EPHA6: variants seen among roughly 807,000 people sequenced by gnomAD.
EPHA6 encodes EPH receptor A6, also known as ephrin type-A receptor 6.
Under a neutral mutation model 112.0 loss-of-function variants are expected in EPHA6, and 50 were observed. The observed-to-expected ratio is 0.45, with a 90% CI of 0.36 to 0.56. The LOEUF (loss-of-function observed/expected upper bound fraction) is 0.56. Among genes scored for constraint, EPHA6 ranks in the 20% least tolerant of loss-of-function variants. The probability of loss-of-function intolerance (pLI) is 0.00; values close to 1 mark genes in which losing one functional copy is unlikely to be tolerated. For missense variants in EPHA6, 1,280 were observed against 1,417.4 expected (o/e 0.90, Z 1.56); for synonymous variants, 529 against 490.7 (o/e 1.08, Z -1.03).
intron 3 of EPHA6, among the ~76,000 whole-genome samples, chr3:97,061,926 G>A (rs578236631): frequency 6.6e-6 from 1 of 152,212 alleles, no homozygotes; most frequent in Non-Finnish European, 1.5e-5. Context: ...TGTAAAGAAA[G>A]AAAACAAAAA....
At chr3:97,397,036 T>C (rs2086732614) in intron 5 of EPHA6, among the ~76,000 whole-genome samples, 1 of 151,748 alleles carries the variant, frequency 6.6e-6, no homozygotes, top group Non-Finnish European at 1.5e-5. Context: ...CAGCTATCTA[T>C]TCAACCATCT....
Position 97,758,425 on chromosome 3 carries a change from T to C in EPHA6, c.*9724T>C, listed in dbSNP as rs1341129003. On this transcript the variant is annotated 3_prime_UTR_variant, in exon 18 of 18. Coordinates refer to ENST00000389672, the MANE Select transcript of EPHA6 (RefSeq NM_001080448.3). ...GTCCAAAATTGTATAATTCCTAAAT[T>C]TTCATATATATACATATACTGACAT... Among the ~76,000 whole-genome samples, 1 of 151,898 alleles carries C rather than the reference T, an allele frequency of 6.6e-6. No individual in the cohort carries two copies. Among genetic ancestry groups the C allele is most frequent in the African/African-American group, 2.4e-5 (1 of 41,388 alleles).
rs545346503 is a variant in EPHA6, at chr3:97,083,601, T to A, written c.1114+95608T>A. Among the ~76,000 whole-genome samples the A allele has an allele frequency of 3.9e-5, 6 of 152,074 alleles. No individual in the cohort carries two copies. In the East Asian group the frequency reaches 1.2e-3, roughly 30 times the overall value. ...TATATTGATAAATGATTCCCAGGTC[T>A]TTTTTTCTACTCCGAATCTTGTTTC... is the stretch of plus-strand genomic sequence containing the variant. On this transcript the variant is annotated intron_variant, in intron 3 of 17. Transcript: ENST00000389672.
At chr3:97,095,528 T>C (rs1024942550) in intron 3 of EPHA6, among the ~76,000 whole-genome samples, 2 of 152,028 alleles carry the variant, frequency 1.3e-5, no homozygotes, top group Non-Finnish European at 2.9e-5. Context: ...TGGCACAGGC[T>C]GATAATGCTT....
chr3:97,611,585 T>C (rs779054845), intron 13 of EPHA6, among the ~76,000 whole-genome samples: 3 of 151,778 alleles, frequency 2.0e-5, no homozygotes, highest in Non-Finnish European at 4.4e-5. Context: ...AAGTGAAATA[T>C]AAAAAATAAA....
intron 14 of EPHA6, among the ~76,000 whole-genome samples, chr3:97,655,169 G>A (rs961707023): frequency 6.7e-6 from 1 of 149,028 alleles, no homozygotes; most frequent in Non-Finnish European, 1.5e-5. Context: ...GTATGTTTTG[G>A]GGTTTTTTGT....
chr3:97,087,588 G>A (rs1379912701), intron 3 of EPHA6, among the ~76,000 whole-genome samples: 21 of 152,128 alleles, frequency 1.4e-4, no homozygotes, highest in African/African-American at 2.4e-5. Flanking sequence ...AATACAAAAG[G>A]TGCACATTAT....
chr3:97,178,965 G>A (rs573162682), intron 3 of EPHA6, among the ~76,000 whole-genome samples: 1 of 151,938 alleles, frequency 6.6e-6, no homozygotes, highest in East Asian at 1.9e-4. Flanking sequence ...TTCTCTTTAA[G>A]GCCAATAACT....
At chr3:97,663,558 C>T (rs1352076483) in intron 14 of EPHA6, among the ~76,000 whole-genome samples, 5 of 143,300 alleles carry the variant, frequency 3.5e-5, no homozygotes, top group African/African-American at 1.3e-4. Flanking sequence ...TTGTTCAATT[C>T]CTGCCTATGA....
rs182610884 is a variant in EPHA6 at position 97,591,201 on chromosome 3, A to G, written c.2387-1411A>G. On this transcript the variant is annotated intron_variant, in intron 11 of 17. Coordinates refer to ENST00000389672, the MANE Select transcript of EPHA6 (RefSeq NM_001080448.3). ...ATCCAGTGCACACTGTATTGGCCTC[A>G]CCTGTTAAAATACACATTGTAACTT... 3.9e-5 allele frequency among the ~76,000 whole-genome samples: 6 copies of G among 152,290 alleles called. No homozygotes were observed. In the South Asian group the frequency reaches 8.3e-4, roughly 21 times the overall value.
chr3:97,651,928 A>C (rs1300310662), intron 14 of EPHA6, among the ~76,000 whole-genome samples: 1 of 152,006 alleles, frequency 6.6e-6, no homozygotes. Context: ...GTGTCACTAA[A>C]GTTTGGTGTA....
intron 2 of EPHA6, among the ~76,000 whole-genome samples, chr3:96,959,739 T>C (rs955247052): frequency 6.6e-6 from 1 of 151,966 alleles, no homozygotes; most frequent in Non-Finnish European, 1.5e-5. Flanking sequence ...TGTTTTGTTT[T>C]TCAGTAATAA....
rs756962369 is a variant in EPHA6 at position 97,757,212 on chromosome 3, T to C, written c.*8511T>C. On this transcript the variant is annotated 3_prime_UTR_variant, in exon 18 of 18. Transcript: ENST00000389672. ...CATTTTAAAAACTGTTAGAAAAGAG[T>C]GAATAAAAAGTATGTCACAGTACTC... 1.3e-5 allele frequency among the ~76,000 whole-genome samples: 2 copies of C among 151,526 alleles called. No individual in the cohort carries two copies. Among genetic ancestry groups the C allele is most frequent in the Non-Finnish European group, 3.0e-5 (2 of 67,678 alleles).
chr3:97,758,899 AGAG>A lies in EPHA6; in HGVS notation c.*10202_*10204del, dbSNP rs1271477110. On this transcript the variant is annotated 3_prime_UTR_variant, in exon 18 of 18. Transcript: ENST00000389672. ...CTTGGTACACTGAAATGAGGCAAAAAGAGGAGAAGGTATACGCATGAGGCTACT... is the reference window on the plus strand; with the variant it reads ...CTTGGTACACTGAAATGAGGCAAAAAGAGAAGGTATACGCATGAGGCTACT... Among the ~76,000 whole-genome samples, 2 of 151,968 alleles carry A rather than the reference AGAG, an allele frequency of 1.3e-5. No individual in the cohort carries two copies. The highest frequency in any genetic ancestry group is 1.5e-5 in the Non-Finnish European group (1 of 67,886).
At chr3:97,679,915 C>T (rs1443723986) in intron 14 of EPHA6, among the ~76,000 whole-genome samples, 1 of 152,124 alleles carries the variant, frequency 6.6e-6, no homozygotes, top group Non-Finnish European at 1.5e-5. Context: ...GACCAGGCAA[C>T]CTTTTGCTTG....
intron 3 of EPHA6, among the ~76,000 whole-genome samples, chr3:97,037,204 A>G (rs541416657): frequency 6.6e-6 from 1 of 152,202 alleles, no homozygotes; most frequent in African/African-American, 2.4e-5. Flanking sequence ...CTTTGCCTTT[A>G]AGGACCTTAT....
chr3:97,297,388 T>C (rs1219103641), intron 5 of EPHA6, among the ~76,000 whole-genome samples: 1 of 152,246 alleles, frequency 6.6e-6, no homozygotes, highest in Non-Finnish European at 1.5e-5. Context: ...TAGTTCTGGC[T>C]GCCTTCAGTC....
chr3:97,130,641 C>T (rs1011215303), intron 3 of EPHA6, among the ~76,000 whole-genome samples: 6 of 152,096 alleles, frequency 3.9e-5, no homozygotes, highest in African/African-American at 1.4e-4. Context: ...CCTATTGATA[C>T]ATCTTTCCAG....
intron 2 of EPHA6, among the ~76,000 whole-genome samples, chr3:96,986,357 C>T (rs2043021915): frequency 6.6e-6 from 1 of 152,108 alleles, no homozygotes; most frequent in Non-Finnish European, 1.5e-5. Context: ...GCTTAAAATG[C>T]TTAATAAAGA....
Sources: allele counts gnomAD v4.1 joint callset (sites outside exome capture counted in the v4.1 genomes callset), GRCh38; gene constraint gnomAD v4.1.1; transcripts MANE v1.5; gene names NCBI Gene and HGNC (gene_info 2026-07-23, HGNC 2026-07-21).